Variants in LMX1A observed in about 807,000 individuals in gnomAD.
The protein encoded by LMX1A is LIM homeobox transcription factor 1-alpha.
In LMX1A, 15 loss-of-function variants were observed where a neutral mutation model predicts 49.1. The ratio of observed to expected loss-of-function variants is 0.31; its 90% confidence interval spans 0.20 to 0.47. The LOEUF is 0.47. Among genes scored for constraint, LMX1A ranks in the 20% least tolerant of loss-of-function variants. LMX1A has a pLI of 1.00. For synonymous variants in LMX1A, 167 were observed against 185.7 expected, an observed-to-expected ratio of 0.90 and a Z score of 0.82; for missense variants, 372 against 475.8, an observed-to-expected ratio of 0.78 and a Z score of 2.03.
In LMX1A at chr1:165,356,351, T is replaced by G. The variant is rs994197273; in HGVS notation, c.-23+4A>C. 3 of 152,154 alleles carry G rather than the reference T, an allele frequency of 2.0e-5. No individual in the cohort carries two copies. Among genetic ancestry groups the G allele is most frequent in the African/African-American group, 7.2e-5 (3 of 41,436 alleles). 9.4% of individuals were successfully genotyped at this position (152,154 alleles called of 1,614,324 possible). On this transcript the variant is annotated splice_donor_region_variant and intron_variant, in intron 1 of 8. Transcript: ENST00000342310. ...ACAGCCTAGGCACGGGCAGCCTTACTTACCTGGTAGGCGAGCTCTCTCCCA... is the reference window on the plus strand; with the variant it reads ...ACAGCCTAGGCACGGGCAGCCTTACGTACCTGGTAGGCGAGCTCTCTCCCA...
chr1:165,310,775 G>C (rs1459678415), intron 3 of LMX1A, among the ~76,000 whole-genome samples: 1 of 152,234 alleles, frequency 6.6e-6, no homozygotes, highest in East Asian at 1.9e-4. Context: ...CAAACCACAA[G>C]TGAGGAGAGC....
At chr1:165,227,225 C>T (rs1652066622) in intron 4 of LMX1A, among the ~76,000 whole-genome samples, 1 of 152,244 alleles carries the variant, frequency 6.6e-6, no homozygotes, top group South Asian at 2.1e-4. Context: ...CAGAGTAGAG[C>T]CTTGTGTTTC....
intron 3 of LMX1A, among the ~76,000 whole-genome samples, chr1:165,283,912 C>G (rs934266781): frequency 6.6e-6 from 1 of 152,118 alleles, no homozygotes; most frequent in Non-Finnish European, 1.5e-5. Flanking sequence ...CTCTAATGCC[C>G]CTTTGTTGCT....
chr1:165,250,002 T>C (rs1369748983), intron 3 of LMX1A, among the ~76,000 whole-genome samples: 1 of 132,406 alleles, frequency 7.6e-6, no homozygotes, highest in Non-Finnish European at 1.6e-5. Context: ...TCACTGCATG[T>C]TCTCACTTAT....
chr1:165,213,576 G>A, intron 5 of LMX1A, 65 bp downstream of exon 5: 1 of 1,420,888 alleles, frequency 7.0e-7, no homozygotes. Context: ...TGAGATCCCA[G>A]AGGGGTCTGA....
intron 4 of LMX1A, among the ~76,000 whole-genome samples, chr1:165,225,970 A>T (rs1571160078): frequency 6.6e-6 from 1 of 152,366 alleles, no homozygotes; most frequent in African/African-American, 2.4e-5. Flanking sequence ...TATTTCAACC[A>T]GCTCTTCAGA....
At chr1:165,286,584 T>C (rs1211742449) in intron 3 of LMX1A, among the ~76,000 whole-genome samples, 1 of 151,984 alleles carries the variant, frequency 6.6e-6, no homozygotes, top group Admixed American at 6.6e-5. Flanking sequence ...GTACCCAGAG[T>C]AGAAGGGAGA....
chr1:165,234,171 C>G (rs149465036), intron 4 of LMX1A, among the ~76,000 whole-genome samples: 6 of 152,310 alleles, frequency 3.9e-5, no homozygotes, highest in Non-Finnish European at 8.8e-5. Flanking sequence ...GATCTCAGTG[C>G]TCCAGAGCAA....
chr1:165,294,629 C>T, intron 3 of LMX1A, among the ~76,000 whole-genome samples: 1 of 152,208 alleles, frequency 6.6e-6, no homozygotes, highest in East Asian at 1.9e-4. Flanking sequence ...GCAGTTAAGC[C>T]TTTGAGTATC....
chr1:165,257,341 G>C (rs753352889), intron 3 of LMX1A, among the ~76,000 whole-genome samples: 5 of 151,878 alleles, frequency 3.3e-5, no homozygotes, highest in Non-Finnish European at 7.4e-5. Flanking sequence ...AGTTAAGATG[G>C]CAGCCTCAGC....
chr1:165,343,395 A>AAATAATAATAAT (rs56236301), intron 3 of LMX1A, among the ~76,000 whole-genome samples: 27 of 149,274 alleles, frequency 1.8e-4, no homozygotes, highest in Admixed American at 2.7e-4. Flanking sequence ...ACTCATATAT[A>AAATAATAATAAT]AATAATAATA....
chr1:165,210,562 A>C, intron 6 of LMX1A, 137 bp downstream of exon 6: 1 of 494,404 alleles, frequency 2.0e-6, no homozygotes, highest in East Asian at 3.3e-5. Flanking sequence ...ATTATTGATA[A>C]CAGAATTTTT....
At chr1:165,242,929 C>CCAAAAA (rs1652708415) in intron 4 of LMX1A, among the ~76,000 whole-genome samples, 1 of 115,156 alleles carries the variant, frequency 8.7e-6, no homozygotes, top group Non-Finnish European at 1.8e-5. Context: ...AACTCCACCT[C>CCAAAAA]AAAAAAAAAA....
intron 3 of LMX1A, among the ~76,000 whole-genome samples, chr1:165,349,716 T>C (rs964655066): frequency 6.6e-6 from 1 of 152,202 alleles, no homozygotes; most frequent in Admixed American, 6.5e-5. Flanking sequence ...CGATGCATAG[T>C]TGTGTGTGCA....
chr1:165,335,695 C>T (rs1655875470), intron 3 of LMX1A, among the ~76,000 whole-genome samples: 2 of 152,074 alleles, frequency 1.3e-5, no homozygotes, highest in Admixed American at 1.3e-4. Context: ...CAAATAAATA[C>T]TGGATGATCA....
Position 165,353,105 on chromosome 1 carries a change from C to T in LMX1A, c.234G>A (p.Lys78=), listed in dbSNP as rs1405151251. Residue 78 remains lysine (K), a synonymous_variant, in exon 3 of 9, where the codon AAG becomes AAA. Coordinates refer to ENST00000342310, the MANE Select transcript of LMX1A (RefSeq NM_177398.4). ...PLETTCFYRD[K]KLYCKYDYEK... is the part of the protein sequence containing the mutation. ...CGTAGTCATACTTGCAGTACAGCTT[C>T]TTGTCCCGGTAGAAGCAGGTGGTCT... The T allele has an allele frequency of 5.6e-6, 9 of 1,614,230 alleles. No individual in the cohort carries two copies. The highest frequency in any genetic ancestry group is 7.6e-6 in the Non-Finnish European group (9 of 1,180,034).
chr1:165,341,442 GTAAT>G (rs1211440909), intron 3 of LMX1A, among the ~76,000 whole-genome samples: 2 of 152,100 alleles, frequency 1.3e-5, no homozygotes, highest in Non-Finnish European at 2.9e-5. Flanking sequence ...AGCAAGTCAC[GTAAT>G]TAATTTATCT....
intron 3 of LMX1A, among the ~76,000 whole-genome samples, chr1:165,280,482 C>T (rs1197666063): frequency 6.6e-6 from 1 of 152,184 alleles, no homozygotes; most frequent in Non-Finnish European, 1.5e-5. Context: ...CTATGTCTCA[C>T]CATTGTGACA....
chr1:165,309,397 G>A (rs577020365), intron 3 of LMX1A, among the ~76,000 whole-genome samples: 1 of 152,214 alleles, frequency 6.6e-6, no homozygotes, highest in African/African-American at 2.4e-5. Flanking sequence ...GTCCTGGTGG[G>A]GGGCTGGAGG....
Sources: gnomAD v4.1 joint callset for allele counts (sites outside exome capture counted in the v4.1 genomes callset) on GRCh38, gnomAD v4.1.1 for gene constraint, MANE v1.5 for transcripts, NCBI Gene and HGNC (gene_info 2026-07-23, HGNC 2026-07-21) for gene names.